AMOTL1: variants seen among roughly 807,000 people sequenced by gnomAD.
The protein encoded by AMOTL1 is angiomotin-like protein 1.
AMOTL1 carries 45 observed loss-of-function variants against 102.9 expected under a neutral mutation model. That is an observed-to-expected ratio of 0.44 (90% CI 0.34 to 0.56). The LOEUF (loss-of-function observed/expected upper bound fraction) is 0.56. AMOTL1 is among the 20% of genes least tolerant of loss of function. AMOTL1 has a pLI of 0.01. For synonymous variants in AMOTL1, 481 were observed against 484.7 expected (o/e 0.99, Z 0.10); for missense variants, 1,114 against 1,225.6 (o/e 0.91, Z 1.36).
At chr11:94,769,796 C>T (rs1197124749) in intron 1 of AMOTL1, among the ~76,000 whole-genome samples, 2 of 152,180 alleles carry the variant, frequency 1.3e-5, no homozygotes, top group East Asian at 3.9e-4. Context: ...GCCTTGGTTT[C>T]CCATTTTCTT....
intron 1 of AMOTL1, among the ~76,000 whole-genome samples, chr11:94,721,122 G>T (rs1009776044): frequency 6.6e-6 from 1 of 152,072 alleles, no homozygotes; most frequent in Non-Finnish European, 1.5e-5. Flanking sequence ...AGCCTAGGAG[G>T]TCAGGAGAAT....
intron 12 of AMOTL1, 122 bp downstream of exon 12, chr11:94,869,595 T>C (rs1952953798): frequency 8.8e-7 from 1 of 1,141,236 alleles, no homozygotes; most frequent in East Asian, 2.6e-5. Context: ...ATGGGGATGC[T>C]ATTCTAATGC....
At chr11:94,789,021 A>G (rs1200221969) in intron 1 of AMOTL1, among the ~76,000 whole-genome samples, 1 of 152,182 alleles carries the variant, frequency 6.6e-6, no homozygotes, top group Non-Finnish European at 1.5e-5. Context: ...GGAATCTTGT[A>G]AACCCCACCC....
intron 1 of AMOTL1, among the ~76,000 whole-genome samples, chr11:94,713,612 G>A (rs1268745248): frequency 3.3e-5 from 5 of 151,444 alleles, no homozygotes; most frequent in Non-Finnish European, 3.0e-5. Flanking sequence ...AAATTTATAC[G>A]AAGTACTTAA....
chr11:94,859,817 G>C, intron 9 of AMOTL1, 102 bp downstream of exon 9: 1 of 1,258,224 alleles, frequency 7.9e-7, no homozygotes. Flanking sequence ...CCTAGGGAGT[G>C]AAGTCAGCTA....
intron 3 of AMOTL1, among the ~76,000 whole-genome samples, chr11:94,806,333 C>A (rs530311000): frequency 8.5e-5 from 13 of 152,274 alleles, no homozygotes; most frequent in African/African-American, 3.1e-4. Flanking sequence ...GTTTGATGGT[C>A]CTGTCTTACT....
chr11:94,854,062 G>A lies in AMOTL1; in HGVS notation c.1924G>A (p.Asp642Asn). 6.4e-7 allele frequency: 1 copy of A among 1,551,062 alleles called. No homozygotes were observed. The highest frequency in any genetic ancestry group is 1.2e-5 in the South Asian group (1 of 83,936). ...GCGGACTTGGCTGGAGAGAGAGCTG[G>A]ATGCACTGAGAACCCAGCAGGTAAG... The part of the protein sequence containing the change: ...RLRTWLEREL[D>N]ALRTQQKHGN... The change falls in exon 8 of 13, where the codon GAT (aspartate) becomes AAT (asparagine). Residue 642 changes from aspartate to asparagine, a missense_variant. Physicochemically the swap from Asp to Asn is conservative, Grantham distance 23 (BLOSUM62 1). Transcript: ENST00000433060.
intron 1 of AMOTL1, among the ~76,000 whole-genome samples, chr11:94,787,490 C>T (rs1951209634): frequency 6.6e-6 from 1 of 151,704 alleles, no homozygotes; most frequent in South Asian, 2.1e-4. Context: ...GAGATCGAGA[C>T]CATCCTGGCT....
chr11:94,793,998 G>T (rs1005888794), intron 1 of AMOTL1, among the ~76,000 whole-genome samples: 1 of 152,182 alleles, frequency 6.6e-6, no homozygotes, highest in Non-Finnish European at 1.5e-5. Flanking sequence ...TCTTATGGTC[G>T]TTTGGTATCA....
At chr11:94,763,955 G>A (rs1361430215), upstream of AMOTL1, among the ~76,000 whole-genome samples, 4 of 152,166 alleles carry the variant, frequency 2.6e-5, no homozygotes, top group Admixed American at 1.3e-4. Context: ...TTATATAGGG[G>A]TTTATTAACT....
At chr11:94,833,209 T>C (rs927039534) in intron 6 of AMOTL1, among the ~76,000 whole-genome samples, 2 of 152,232 alleles carry the variant, frequency 1.3e-5, no homozygotes, top group African/African-American at 4.8e-5. Flanking sequence ...TAATTGAATC[T>C]AGGCAGAGCA....
Position 94,821,925 on chromosome 11 carries a change from A to G in AMOTL1, c.1413+104A>G, listed in dbSNP as rs896725349. 4 of 1,425,334 alleles carry G rather than the reference A, an allele frequency of 2.8e-6. No homozygotes were observed. The African/African-American group carries it at 5.7e-5, about 20-fold the overall frequency. 88.3% of individuals were successfully genotyped at this position (1,425,334 alleles called of 1,614,324 possible). On this transcript the variant is annotated intron_variant, in intron 4 of 12. Coordinates refer to ENST00000433060, the MANE Select transcript of AMOTL1 (RefSeq NM_130847.3). The stretch of plus-strand genomic sequence containing the variant: ...CCAACATTGCAGTAGACCCCTTTTT[A>G]TACTAGGCCCTGTGCAAGGCTTTAG...
At chr11:94,862,576 GC>G (rs1344029410) in intron 9 of AMOTL1, among the ~76,000 whole-genome samples, 1 of 152,170 alleles carries the variant, frequency 6.6e-6, no homozygotes, top group African/African-American at 2.4e-5. Flanking sequence ...TTTTATGTGT[GC>G]AGAAGGTTTT....
chr11:94,733,998 G>A (rs1226316906), intron 2 of AMOTL1, among the ~76,000 whole-genome samples: 1 of 152,178 alleles, frequency 6.6e-6, no homozygotes, highest in Non-Finnish European at 1.5e-5. Flanking sequence ...GAATCTGGTG[G>A]GGAACGCAGT....
At chr11:94,850,687 A>G (rs1247289080) in intron 7 of AMOTL1, among the ~76,000 whole-genome samples, 1 of 152,152 alleles carries the variant, frequency 6.6e-6, no homozygotes, top group Admixed American at 6.5e-5. Flanking sequence ...GCTATAGATG[A>G]AGAAGAAGAA....
At chr11:94,817,313 A>G (rs537632834) in intron 3 of AMOTL1, among the ~76,000 whole-genome samples, 1 of 152,152 alleles carries the variant, frequency 6.6e-6, no homozygotes, top group South Asian at 2.1e-4. Flanking sequence ...AGTGTTTTAA[A>G]CTTTTTATAT....
intron 1 of AMOTL1, among the ~76,000 whole-genome samples, chr11:94,788,725 T>C (rs1951234683): frequency 6.6e-6 from 1 of 152,252 alleles, no homozygotes; most frequent in Non-Finnish European, 1.5e-5. Flanking sequence ...TATTTATAGC[T>C]CCACTCACAG....
Position 94,869,255 on chromosome 11 carries a change from C to T in AMOTL1, c.2546C>T (p.Pro849Leu), listed in dbSNP as rs1322559008. 3 of 1,613,188 alleles carry T rather than the reference C, an allele frequency of 1.9e-6. No homozygotes were observed. The highest frequency in any genetic ancestry group is 1.7e-6 in the Non-Finnish European group (2 of 1,179,488). The change falls in exon 12 of 13, where the codon CCA (proline) becomes CTA (leucine). Residue 849 changes from proline (P) to leucine (L), a missense_variant. Coordinates refer to ENST00000433060, the MANE Select transcript of AMOTL1 (RefSeq NM_130847.3). ...GCCTCTGCCCCACTGCTGCCACCCC[C>T]ACCCACCTCAGCACTGTCCTCCATA... ...EHASAPLLPP[P>L]PTSALSSIAS...
intron 6 of AMOTL1, among the ~76,000 whole-genome samples, chr11:94,840,679 TATACACAC>T (rs1384626243): frequency 2.7e-4 from 35 of 129,368 alleles, no homozygotes; most frequent in South Asian, 1.5e-3. Flanking sequence ...TATATATATA[TATACACAC>T]ACACACACAC....
Sources: allele counts gnomAD v4.1 joint callset (sites outside exome capture counted in the v4.1 genomes callset), GRCh38; gene constraint gnomAD v4.1.1; transcripts MANE v1.5; gene names NCBI Gene and HGNC (gene_info 2026-07-23, HGNC 2026-07-21).